The following ATP2B1 variants were observed in gnomAD, a reference collection of about 807,000 sequenced individuals.
ATP2B1 encodes the protein plasma membrane calcium-transporting ATPase 1.
ATP2B1 carries 14 observed loss-of-function variants against 124.2 expected under a neutral mutation model. The observed-to-expected ratio is 0.11, with a 90% CI of 0.07 to 0.18. The LOEUF (loss-of-function observed/expected upper bound fraction) is 0.18. ATP2B1 is among the 10% of genes least tolerant of loss of function. ATP2B1 has a pLI of 1.00. For synonymous variants in ATP2B1, 449 were observed against 492.4 expected, an observed-to-expected ratio of 0.91 and a Z score of 1.17; for missense variants, 763 against 1,466.1, an observed-to-expected ratio of 0.52 and a Z score of 7.83.
In ATP2B1 at chr12:89,670,833, T is replaced by C. The variant is rs150628577; in HGVS notation, c.-221-14726A>G. 1.5e-3 allele frequency among the ~76,000 whole-genome samples: 228 copies of C among 151,044 alleles called. 2 individuals carry two copies. The highest frequency in any genetic ancestry group is 5.2e-3 in the African/African-American group (215 of 41,034). ...CTGGTTAATGCTGGTCTGATCTAAA[T>C]GTAAAGAGAAAAGGAAAAATGATAC... On this transcript the variant is annotated intron_variant, in intron 1 of 20. Transcript: ENST00000428670.
intron 18 of ATP2B1, among the ~76,000 whole-genome samples, chr12:89,602,700 C>A (rs1876094806): frequency 6.6e-6 from 1 of 151,950 alleles, no homozygotes; most frequent in African/African-American, 2.4e-5. Context: ...AAAATTTAAA[C>A]CTGATCTTTT....
chr12:89,670,717 T>C (rs141903336), intron 1 of ATP2B1, among the ~76,000 whole-genome samples: 1 of 152,172 alleles, frequency 6.6e-6, no homozygotes, highest in Non-Finnish European at 1.5e-5. Flanking sequence ...GAATGTATAC[T>C]GAGCAGCAAA....
At chr12:89,626,416 T>C in intron 8 of ATP2B1, 38 bp downstream of exon 8, 1 of 1,543,446 alleles carries the variant, frequency 6.5e-7, no homozygotes, top group Non-Finnish European at 8.7e-7. Context: ...AAAGCATACT[T>C]AAAAATAAAA....
Position 89,601,452 on chromosome 12 carries a change from G to A in ATP2B1, c.3061-19C>T. The A allele has an allele frequency of 1.0e-5, 15 of 1,444,724 alleles. No homozygotes were observed. The highest frequency in any genetic ancestry group is 1.3e-5 in the Non-Finnish European group (14 of 1,070,664). The allele number at this position is 1,444,724 out of a possible 1,614,324, so 89.5% of individuals were successfully genotyped here. On this transcript the variant is annotated intron_variant, in intron 18 of 20. Coordinates refer to ENST00000428670, the MANE Select transcript of ATP2B1 (RefSeq NM_001366521.1). The stretch of plus-strand genomic sequence containing the variant: ...TTATTATCTGGAGGAATAATCAAGA[G>A]TAAATTTACTTAAATCTTAAATTTT...
At chr12:89,709,118 G>T (rs1464311150), upstream of ATP2B1, 4 of 150,836 alleles carry the variant, frequency 2.7e-5, no homozygotes, top group African/African-American at 9.7e-5. Flanking sequence ...AGAGCGGACG[G>T]CCGAGCACGA....
At chr12:89,612,771 CTA>C (rs1039696555) in intron 12 of ATP2B1, among the ~76,000 whole-genome samples, 5 of 152,144 alleles carry the variant, frequency 3.3e-5, no homozygotes, top group African/African-American at 1.2e-4. Context: ...TTAAGTCATA[CTA>C]TAGTTATTGT....
chr12:89,697,501 G>T (rs1891285325), intron 1 of ATP2B1, among the ~76,000 whole-genome samples: 1 of 152,088 alleles, frequency 6.6e-6, no homozygotes, highest in South Asian at 2.1e-4. Flanking sequence ...AAGTAAAATT[G>T]AGTTGTGTAT....
intron 2 of ATP2B1, among the ~76,000 whole-genome samples, chr12:89,653,257 A>T (rs1217402737): frequency 6.6e-6 from 1 of 151,662 alleles, no homozygotes; most frequent in East Asian, 1.9e-4. Flanking sequence ...AGCCCAAAGC[A>T]GCAACAATTC....
chr12:89,592,731 G>T (rs552534330), intron 20 of ATP2B1, among the ~76,000 whole-genome samples: 1 of 152,082 alleles, frequency 6.6e-6, no homozygotes, highest in Non-Finnish European at 1.5e-5. Context: ...GCCTTACGGG[G>T]TTGTTGTGGG....
chr12:89,653,875 C>G (rs868136516), intron 2 of ATP2B1, among the ~76,000 whole-genome samples: 42 of 152,238 alleles, frequency 2.8e-4, no homozygotes, highest in African/African-American at 1.0e-3. Flanking sequence ...ATTCAGTTAT[C>G]AGAAGACAAG....
At chr12:89,649,639 T>C (rs1446693542) in intron 2 of ATP2B1, among the ~76,000 whole-genome samples, 2 of 152,200 alleles carry the variant, frequency 1.3e-5, no homozygotes, top group Non-Finnish European at 2.9e-5. Context: ...GTTAAAACTT[T>C]GGGACACTGT....
chr12:89,608,419 G>A (rs569791662), intron 15 of ATP2B1, among the ~76,000 whole-genome samples: 11 of 151,282 alleles, frequency 7.3e-5, no homozygotes, highest in Admixed American at 2.0e-4. Context: ...TATGTGATCC[G>A]CCCGCCTCAG....
chr12:89,601,306 A>G lies in ATP2B1; in HGVS notation c.3168+20T>C, dbSNP rs563826092. 2 of 1,501,832 alleles carry G rather than the reference A, an allele frequency of 1.3e-6. No individual in the cohort carries two copies. The highest frequency in any genetic ancestry group is 4.8e-5 in the East Asian group (2 of 41,916). The allele number at this position is 1,501,832 out of a possible 1,614,324, so 93.0% of individuals were successfully genotyped here. A position where few individuals can be genotyped will look rare whatever the true frequency, so the allele number is the denominator to read the frequency against. ...AAAAAAATCACTTTAGGTTTAAACA[A>G]AAACTGATGAAATTTTTACCTGGCC... is the stretch of plus-strand genomic sequence containing the variant. On this transcript the variant is annotated intron_variant, in intron 19 of 20. Transcript: ENST00000428670.
chr12:89,595,140 G>A (rs1874335378), intron 20 of ATP2B1, among the ~76,000 whole-genome samples: 1 of 152,018 alleles, frequency 6.6e-6, no homozygotes, highest in South Asian at 2.1e-4. Context: ...GAATTATACA[G>A]TCTGTCATAA....
At chr12:89,667,428 C>G (rs917182024) in intron 1 of ATP2B1, among the ~76,000 whole-genome samples, 2 of 152,206 alleles carry the variant, frequency 1.3e-5, no homozygotes, top group Non-Finnish European at 2.9e-5. Flanking sequence ...ATCCACAGGC[C>G]TCTTGGCAAC....
intron 12 of ATP2B1, among the ~76,000 whole-genome samples, chr12:89,615,730 T>A (rs1181198121): frequency 1.3e-5 from 2 of 152,218 alleles, no homozygotes; most frequent in Non-Finnish European, 2.9e-5. Context: ...TAGGAAGTCT[T>A]ACCTGACCCC....
chr12:89,674,602 A>T (rs1888396410), intron 1 of ATP2B1, among the ~76,000 whole-genome samples: 1 of 152,216 alleles, frequency 6.6e-6, no homozygotes, highest in African/African-American at 2.4e-5. Flanking sequence ...GATGATGGTA[A>T]CAATAGCTAA....
At chr12:89,638,746 T>C (rs1461293821) in intron 3 of ATP2B1, among the ~76,000 whole-genome samples, 2 of 152,194 alleles carry the variant, frequency 1.3e-5, no homozygotes, top group Non-Finnish European at 2.9e-5. Context: ...AAACTGCATA[T>C]AGTTAGGATA....
chr12:89,603,726 G>A lies in ATP2B1; in HGVS notation c.2834C>T (p.Thr945Ile). The A allele has an allele frequency of 6.2e-7, 1 of 1,613,288 alleles. No homozygotes were observed. The highest frequency in any genetic ancestry group is 8.5e-7 in the Non-Finnish European group (1 of 1,179,256). The part of the protein sequence containing the change: ...HAFYQLVVVF[T>I]LLFAGEKFFD... Reference sequence around the variant, plus strand: ...TGAATTCTTACCAGCAAATAAGAGTGTAAAGACTACTACAAGTTGATAGAA... The same window carrying A: ...TGAATTCTTACCAGCAAATAAGAGTATAAAGACTACTACAAGTTGATAGAA... The change falls in exon 17 of 21, where the codon ACA becomes ATA. Residue 945 changes from threonine (T) to isoleucine (I), a missense_variant. Thr to Ile is a moderately conservative substitution (Grantham distance 89). This residue lies in a region of ATP2B1 where 118 missense variants were observed against 240.3 expected (regional missense o/e 0.49). Transcript: ENST00000428670. This position sits in a 1 kb window ranked among gnomAD's most constrained non-coding sequence, Gnocchi z 4.3.
Sources: allele counts gnomAD v4.1 joint callset (sites outside exome capture counted in the v4.1 genomes callset), GRCh38; gene constraint gnomAD v4.1.1; regional missense constraint gnomAD v4.1.1; non-coding constraint Gnocchi (gnomAD v3.1); transcripts MANE v1.5; gene names NCBI Gene and HGNC (gene_info 2026-07-23, HGNC 2026-07-21).